Variants in ATL1 observed in about 807,000 individuals in gnomAD.
ATL1 encodes the protein atlastin-1.
A neutral mutation model predicts 75.5 loss-of-function variants in ATL1; 31 were observed. The observed-to-expected ratio is 0.41, with a 90% CI of 0.31 to 0.55. The LOEUF (loss-of-function observed/expected upper bound fraction) is 0.55. ATL1 is among the 20% of genes least tolerant of loss of function. The pLI, the probability that ATL1 is intolerant of heterozygous loss-of-function variation, is 0.27. For synonymous variants in ATL1, 226 were observed against 233.3 expected, an observed-to-expected ratio of 0.97 and a Z score of 0.28; for missense variants, 405 against 662.6, an observed-to-expected ratio of 0.61 and a Z score of 4.27.
intron 1 of ATL1, among the ~76,000 whole-genome samples, chr14:50,570,564 T>G (rs1248182835): frequency 2.0e-5 from 3 of 152,132 alleles, no homozygotes; most frequent in Admixed American, 6.5e-5. Context: ...TGGTTTATTT[T>G]TAGGTTTCCT....
At chr14:50,616,995 G>C (rs1458295564) in intron 8 of ATL1, among the ~76,000 whole-genome samples, 1 of 152,170 alleles carries the variant, frequency 6.6e-6, no homozygotes, top group Non-Finnish European at 1.5e-5. Flanking sequence ...GTTGCCTCTA[G>C]TGAAGAAAAG....
intron 1 of ATL1, among the ~76,000 whole-genome samples, chr14:50,563,280 G>A (rs1242853798): frequency 6.6e-6 from 1 of 152,198 alleles, no homozygotes; most frequent in Non-Finnish European, 1.5e-5. Context: ...TAAAAGGACT[G>A]AAATTAGAAT....
intron 1 of ATL1, among the ~76,000 whole-genome samples, chr14:50,585,088 A>C (rs996159955): frequency 6.6e-6 from 1 of 152,258 alleles, no homozygotes; most frequent in Non-Finnish European, 1.5e-5. Context: ...ACAGTGAGAT[A>C]ACATTTTATA....
chr14:50,613,485 A>G, intron 7 of ATL1, 134 bp downstream of exon 7: 1 of 718,418 alleles, frequency 1.4e-6, no homozygotes, highest in Non-Finnish European at 2.5e-6. Context: ...ACACAGGTGA[A>G]GAATTCTTTG....
intron 1 of ATL1, among the ~76,000 whole-genome samples, chr14:50,586,045 A>G (rs1348312638): frequency 2.0e-5 from 3 of 152,146 alleles, no homozygotes; most frequent in Non-Finnish European, 4.4e-5. Flanking sequence ...TCAATGTGAT[A>G]TATATATATC....
At chr14:50,547,349 G>A (rs1217158970) in intron 1 of ATL1, among the ~76,000 whole-genome samples, 1 of 152,066 alleles carries the variant, frequency 6.6e-6, no homozygotes, top group Non-Finnish European at 1.5e-5. Flanking sequence ...TATAATAGAG[G>A]GCATTGGTTG....
At chr14:50,557,301 A>T (rs1248294696), upstream of ATL1, among the ~76,000 whole-genome samples, 2 of 152,126 alleles carry the variant, frequency 1.3e-5, no homozygotes, top group Admixed American at 1.3e-4. Flanking sequence ...CCCTCTTCCC[A>T]TTCTTCCATT....
intron 8 of ATL1, among the ~76,000 whole-genome samples, chr14:50,618,383 A>G (rs1438539376): frequency 2.0e-5 from 3 of 152,220 alleles, no homozygotes; most frequent in African/African-American, 4.8e-5. Context: ...AAAGCAAACC[A>G]CAATAATAAA....
At chr14:50,578,268 A>G (rs1171251355) in intron 1 of ATL1, among the ~76,000 whole-genome samples, 1 of 152,198 alleles carries the variant, frequency 6.6e-6, no homozygotes, top group East Asian at 1.9e-4. Context: ...TAGCCTATGT[A>G]AGTCATGGTT....
chr14:50,622,135 A>T (rs1304692166), intron 10 of ATL1, among the ~76,000 whole-genome samples: 2 of 152,228 alleles, frequency 1.3e-5, no homozygotes, highest in African/African-American at 4.8e-5. Flanking sequence ...CTTTGCACTA[A>T]ATTTGTTTAG....
chr14:50,578,483 A>G (rs865900554), intron 1 of ATL1, among the ~76,000 whole-genome samples: 2 of 152,168 alleles, frequency 1.3e-5, no homozygotes, highest in African/African-American at 4.8e-5. Flanking sequence ...AAATCCTTTC[A>G]TATTTGTGCT....
chr14:50,616,912 A>G (rs1240474513), intron 8 of ATL1, among the ~76,000 whole-genome samples: 1 of 152,140 alleles, frequency 6.6e-6, no homozygotes, highest in African/African-American at 2.4e-5. Flanking sequence ...GAATCTTACA[A>G]TTTGGTGTGA....
chr14:50,537,629 G>T (rs1448669246), intron 1 of ATL1, among the ~76,000 whole-genome samples: 3 of 152,246 alleles, frequency 2.0e-5, no homozygotes, highest in Non-Finnish European at 4.4e-5. Context: ...AGCCACAGGG[G>T]CAGAGCTGCC....
At chr14:50,536,079 A>G (rs2038488040) in intron 1 of ATL1, among the ~76,000 whole-genome samples, 2 of 152,246 alleles carry the variant, frequency 1.3e-5, no homozygotes, top group Non-Finnish European at 2.9e-5. Flanking sequence ...TGTAAGTCCA[A>G]TTAAACCTCT....
chr14:50,569,135 G>A (rs190625418), intron 1 of ATL1, among the ~76,000 whole-genome samples: 4 of 151,874 alleles, frequency 2.6e-5, no homozygotes, highest in African/African-American at 7.2e-5. Context: ...AGGACTGCTC[G>A]AGCCCTGGAG....
At chr14:50,539,159 C>T (rs184761814) in intron 1 of ATL1, among the ~76,000 whole-genome samples, 2 of 152,272 alleles carry the variant, frequency 1.3e-5, no homozygotes, top group Non-Finnish European at 2.9e-5. Context: ...AACTACTTGC[C>T]AAGGAAAATG....
intron 1 of ATL1, among the ~76,000 whole-genome samples, chr14:50,582,339 A>G (rs2039063699): frequency 1.3e-5 from 2 of 152,062 alleles, no homozygotes; most frequent in Non-Finnish European, 2.9e-5. Flanking sequence ...CAGGTTCACA[A>G]AGTTTTACAG....
chr14:50,567,165 C>G (rs1486326358), intron 1 of ATL1, among the ~76,000 whole-genome samples: 1 of 152,176 alleles, frequency 6.6e-6, no homozygotes, highest in Non-Finnish European at 1.5e-5. Context: ...CACCATTCTA[C>G]TTTCTTTCAC....
chr14:50,574,937 GTATATATATATATATATA>G (rs71118894), intron 1 of ATL1, among the ~76,000 whole-genome samples: 1 of 23,156 alleles, frequency 4.3e-5, no homozygotes, highest in African/African-American at 1.9e-4. Context: ...GTGTGTGTGT[GTATATATATATATATATA>G]TATATATATA....
Sources: gnomAD v4.1 joint callset for allele counts (sites outside exome capture counted in the v4.1 genomes callset) on GRCh38, gnomAD v4.1.1 for gene constraint, MANE v1.5 for transcripts, NCBI Gene and HGNC (gene_info 2026-07-23, HGNC 2026-07-21) for gene names.